Variants in FAM177A1 observed in about 807,000 individuals in gnomAD.
FAM177A1 encodes family with sequence similarity 177 member A1.
In FAM177A1, 22 loss-of-function variants were observed where a neutral mutation model predicts 26.1. That is an observed-to-expected ratio of 0.84 (90% CI 0.60 to 1.20). The LOEUF is 1.20. FAM177A1 is among the 50% of genes most tolerant of loss of function. The pLI is 0.00. For missense variants in FAM177A1, 296 were observed against 291.1 expected, an observed-to-expected ratio of 1.02 and a Z score of -0.12; for synonymous variants, 95 against 99.3, an observed-to-expected ratio of 0.96 and a Z score of 0.26.
At chr14:35,069,871 A>T (rs1825389525) in intron 2 of FAM177A1, among the ~76,000 whole-genome samples, 1 of 151,444 alleles carries the variant, frequency 6.6e-6, no homozygotes, top group African/African-American at 2.4e-5. Context: ...TAATCCCAGC[A>T]TTTGGGGAGG....
chr14:35,079,061 G>C, intron 4 of FAM177A1, 37 bp downstream of exon 4: 1 of 1,506,896 alleles, frequency 6.6e-7, no homozygotes, highest in Non-Finnish European at 8.9e-7. Flanking sequence ...ATTCAGTTTG[G>C]TTTGCTATGG....
At chr14:35,071,691 G>A (rs942820140) in intron 2 of FAM177A1, among the ~76,000 whole-genome samples, 3 of 152,112 alleles carry the variant, frequency 2.0e-5, no homozygotes, top group Non-Finnish European at 4.4e-5. Flanking sequence ...TTCTTTGGTA[G>A]TCATAGCTTG....
chr14:35,058,587 A>G (rs2045099451), intron 2 of FAM177A1, among the ~76,000 whole-genome samples: 1 of 152,086 alleles, frequency 6.6e-6, no homozygotes, highest in African/African-American at 2.4e-5. Context: ...TTTCAAGTCT[A>G]TTTTAGGTCT....
At chr14:35,062,348 T>C (rs1013648119) in intron 2 of FAM177A1, among the ~76,000 whole-genome samples, 3 of 152,166 alleles carry the variant, frequency 2.0e-5, no homozygotes, top group African/African-American at 7.2e-5. Context: ...TTAATGACCA[T>C]GTATATAGCA....
rs1422856749 is a variant in FAM177A1, at chr14:35,082,714, A to G, written c.*1486A>G. 6.6e-6 allele frequency: 1 copy of G among 152,208 alleles called. No homozygotes were observed. The highest frequency in any genetic ancestry group is 1.5e-5 in the Non-Finnish European group (1 of 68,026). The allele number at this position is 152,208 out of a possible 1,614,324, so 9.4% of individuals were successfully genotyped here. On this transcript the variant is annotated 3_prime_UTR_variant, in exon 5 of 5. Coordinates refer to ENST00000280987, the MANE Select transcript of FAM177A1 (RefSeq NM_173607.5). The stretch of plus-strand genomic sequence containing the variant: ...TCAAAGCTTTCAGAAATTAATAGTT[A>G]TATTAATAGCCTTCTAAACAGCATT...
intron 2 of FAM177A1, among the ~76,000 whole-genome samples, chr14:35,054,068 A>C (rs2045021578): frequency 6.6e-6 from 1 of 152,144 alleles, no homozygotes; most frequent in Admixed American, 6.6e-5. Context: ...CTGCCATGAT[A>C]GTTTCCACCC....
chr14:35,063,122 C>T (rs533974471), intron 2 of FAM177A1, among the ~76,000 whole-genome samples: 8 of 136,340 alleles, frequency 5.9e-5, no homozygotes, highest in Non-Finnish European at 9.2e-5. Flanking sequence ...GATCGCGCCA[C>T]TGCACTCCAG....
At chr14:35,080,725 T>C (rs1483826068) in intron 4 of FAM177A1, among the ~76,000 whole-genome samples, 1 of 151,984 alleles carries the variant, frequency 6.6e-6, no homozygotes, top group Non-Finnish European at 1.5e-5. Flanking sequence ...TGCTTGAGCC[T>C]GGGAGATGGA....
At chr14:35,073,973 T>C (rs576965914) in intron 2 of FAM177A1, among the ~76,000 whole-genome samples, 2 of 152,346 alleles carry the variant, frequency 1.3e-5, no homozygotes, top group East Asian at 3.9e-4. Flanking sequence ...CTGCTATCTT[T>C]TGTTTGGCAG....
chr14:35,046,811 C>T (rs1270362637), intron 1 of FAM177A1, 183 bp downstream of exon 1: 4 of 1,377,820 alleles, frequency 2.9e-6, no homozygotes, highest in Non-Finnish European at 3.7e-6. Flanking sequence ...CGCCCCCCGC[C>T]TCACTCACCA....
rs1840746508 is a variant in FAM177A1, at chr14:35,046,331, T to C, written c.-133T>C. 3 of 1,108,676 alleles carry C rather than the reference T, an allele frequency of 2.7e-6. No homozygotes were observed. The highest frequency in any genetic ancestry group is 3.2e-5 in the East Asian group (1 of 30,796). 68.7% of individuals were successfully genotyped at this position (1,108,676 alleles called of 1,614,324 possible). On this transcript the variant is annotated 5_prime_UTR_variant, in exon 1 of 5. Transcript: ENST00000280987. ...CCGGCGGGCTAGGCGAGGCGCGGGC[T>C]GGCCCCGCCCCTCAGGCCGGCGAGT...
chr14:35,068,003 T>G (rs1347989177), intron 2 of FAM177A1, among the ~76,000 whole-genome samples: 1 of 152,216 alleles, frequency 6.6e-6, no homozygotes, highest in Admixed American at 6.6e-5. Context: ...TTGTTTCTTT[T>G]ACTGTGCAGA....
At chr14:35,065,184 T>G (rs2045222247) in intron 2 of FAM177A1, among the ~76,000 whole-genome samples, 1 of 151,900 alleles carries the variant, frequency 6.6e-6, no homozygotes, top group African/African-American at 2.4e-5. Context: ...AAACTTTTTT[T>G]TTTTTGAGAC....
intron 4 of FAM177A1, among the ~76,000 whole-genome samples, chr14:35,080,754 C>T (rs1192532265): frequency 2.0e-5 from 3 of 151,954 alleles, no homozygotes; most frequent in Non-Finnish European, 2.9e-5. Flanking sequence ...TGAGCCACTG[C>T]ACTCCAGCCT....
At position 35,064,737 on chromosome 14, in the gene FAM177A1, G is replaced by A. The variant is rs536662082; in HGVS notation, c.339+11286G>A. ...GCCATCTTGACTCACTGCAAGCTCCGCCTCCCAGGTTCACACCATTCTCCT... is the reference window on the plus strand; with the variant it reads ...GCCATCTTGACTCACTGCAAGCTCCACCTCCCAGGTTCACACCATTCTCCT... On this transcript the variant is annotated intron_variant, in intron 2 of 4. Transcript: ENST00000280987. 3.3e-5 allele frequency among the ~76,000 whole-genome samples: 5 copies of A among 151,786 alleles called. No homozygotes were observed. In the East Asian group the frequency reaches 5.8e-4, roughly 18 times the overall value.
At position 35,067,221 on chromosome 14, in the gene FAM177A1, C is replaced by T. The variant is rs372244055; in HGVS notation, c.340-9929C>T. Among the ~76,000 whole-genome samples the T allele has an allele frequency of 3.3e-5, 5 of 152,064 alleles. No individual in the cohort carries two copies. In the East Asian group the frequency reaches 9.6e-4, roughly 29 times the overall value. On this transcript the variant is annotated intron_variant, in intron 2 of 4. Transcript: ENST00000280987. ...TTAACCCCCAGCCTCTGGTAACCAC[C>T]ATTGTGCTCTCTGTTTCTATGAGTT...
intron 1 of FAM177A1, among the ~76,000 whole-genome samples, chr14:35,051,895 A>G (rs2139059348): frequency 6.6e-6 from 1 of 152,354 alleles, no homozygotes; most frequent in East Asian, 1.9e-4. Flanking sequence ...CACTGTTTTT[A>G]TCAGTATAAT....
intron 2 of FAM177A1, among the ~76,000 whole-genome samples, chr14:35,057,245 C>T (rs1206846588): frequency 6.6e-6 from 1 of 152,110 alleles, no homozygotes; most frequent in Non-Finnish European, 1.5e-5. Flanking sequence ...TTGTTGTTTA[C>T]AAATGGGGTC....
chr14:35,051,147 T>C (rs76737919), intron 1 of FAM177A1, among the ~76,000 whole-genome samples: 3,493 of 152,164 alleles, frequency 0.023, 54 homozygotes, highest in South Asian at 0.062. Context: ...TGAGATGGAG[T>C]CTCGCTGTGT....
Sources: gnomAD v4.1 joint callset for allele counts (sites outside exome capture counted in the v4.1 genomes callset) on GRCh38, gnomAD v4.1.1 for gene constraint, MANE v1.5 for transcripts, NCBI Gene and HGNC (gene_info 2026-07-23, HGNC 2026-07-21) for gene names.